The following RGSL1 variants were observed in gnomAD, a reference collection of about 807,000 sequenced individuals.
RGSL1 encodes the protein regulator of G protein signaling like 1.
In RGSL1, 97 loss-of-function variants were observed where a neutral mutation model predicts 124.7. The ratio of observed to expected loss-of-function variants is 0.78; its 90% confidence interval spans 0.66 to 0.92. The LOEUF is 0.92. Among genes scored for constraint, RGSL1 ranks in the 40% least tolerant of loss-of-function variants. The probability of loss-of-function intolerance (pLI) is 0.00; values close to 1 mark genes in which losing one functional copy is unlikely to be tolerated. For missense variants in RGSL1, 1,233 were observed against 1,288.4 expected (o/e 0.96, Z 0.66); for synonymous variants, 424 against 438.1 (o/e 0.97, Z 0.40).
intron 4 of RGSL1, among the ~76,000 whole-genome samples, chr1:182,463,652 A>G (rs1022673558): frequency 2.6e-5 from 4 of 152,196 alleles, no homozygotes; most frequent in African/African-American, 4.8e-5. Flanking sequence ...GCAAGTTTCA[A>G]CATATCAAGA....
intron 4 of RGSL1, chr1:182,460,797 T>A (rs1441792103): frequency 2.2e-6 from 1 of 446,628 alleles, no homozygotes; most frequent in Non-Finnish European, 4.5e-6. Flanking sequence ...AAACTTGCAA[T>A]GTTTGGGGGG....
chr1:182,540,844 C>T (rs865865050), intron 15 of RGSL1, among the ~76,000 whole-genome samples: 4 of 152,190 alleles, frequency 2.6e-5, no homozygotes, highest in African/African-American at 9.6e-5. Flanking sequence ...TATATTAATT[C>T]ACCTGTCAAT....
At chr1:182,507,308 A>C (rs1212218614) in intron 9 of RGSL1, 1 of 152,122 alleles carries the variant, frequency 6.6e-6, no homozygotes, top group Admixed American at 6.6e-5. Context: ...TCATCTTTCT[A>C]ACACTAGGTC....
chr1:182,543,976 G>C (rs1418993509), intron 15 of RGSL1, among the ~76,000 whole-genome samples: 3 of 151,646 alleles, frequency 2.0e-5, no homozygotes, highest in Non-Finnish European at 2.9e-5. Flanking sequence ...TTAATCTTCT[G>C]TATTTTTAGT....
chr1:182,527,842 C>T (rs555709431), intron 11 of RGSL1, 70 bp downstream of exon 11: 65 of 1,334,424 alleles, frequency 4.9e-5, no homozygotes, highest in Non-Finnish European at 6.1e-5. Context: ...TGGGAAATAG[C>T]CTACCTCATG....
upstream of RGSL1, among the ~76,000 whole-genome samples, chr1:182,449,461 C>G (rs563681260): frequency 1.6e-4 from 24 of 152,232 alleles, no homozygotes; most frequent in South Asian, 4.6e-3. Context: ...GAATTCTATT[C>G]TCAGTAATTC....
intron 1 of RGSL1, among the ~76,000 whole-genome samples, chr1:182,452,583 G>T (rs544204684): frequency 6.6e-6 from 1 of 151,854 alleles, no homozygotes; most frequent in Non-Finnish European, 1.5e-5. Flanking sequence ...CTCCCAAGTA[G>T]TTGGGATTAC....
intron 6 of RGSL1, among the ~76,000 whole-genome samples, chr1:182,485,329 C>A (rs911400775): frequency 3.3e-5 from 5 of 152,148 alleles, no homozygotes; most frequent in Admixed American, 3.3e-4. Context: ...TCAATGTACA[C>A]TTTCCTTTTG....
chr1:182,532,806 T>C lies in RGSL1; in HGVS notation c.2494+15T>C, dbSNP rs1311680293. On this transcript the variant is annotated intron_variant, in intron 14 of 21. Coordinates refer to ENST00000294854, the MANE Select transcript of RGSL1 (RefSeq NM_001137669.2). ...TAGCAAGGAAAGTAAGTCATTTCTG[T>C]ATTTACCCCCACTCCCTGTTGATAT... 6.5e-7 allele frequency: 1 copy of C among 1,546,598 alleles called. No homozygotes were observed. The highest frequency in any genetic ancestry group is 1.4e-5 in the African/African-American group (1 of 72,978).
At chr1:182,524,859 AAG>A (rs1312697399) in intron 10 of RGSL1, among the ~76,000 whole-genome samples, 1 of 152,220 alleles carries the variant, frequency 6.6e-6, no homozygotes, top group Non-Finnish European at 1.5e-5. Flanking sequence ...AAAAGTAAAA[AAG>A]GGAAATCTGG....
intron 9 of RGSL1, among the ~76,000 whole-genome samples, chr1:182,508,345 G>C (rs1275035649): frequency 7.8e-6 from 1 of 128,346 alleles, no homozygotes; most frequent in Non-Finnish European, 1.6e-5. Context: ...TGTTGCCCAG[G>C]CTGGAGTGCA....
intron 14 of RGSL1, among the ~76,000 whole-genome samples, chr1:182,536,346 A>G (rs1659538105): frequency 6.6e-6 from 1 of 152,148 alleles, no homozygotes; most frequent in Non-Finnish European, 1.5e-5. Context: ...TGGTAAGTAT[A>G]TGTTAAACTT....
intron 10 of RGSL1, among the ~76,000 whole-genome samples, chr1:182,522,809 C>G (rs1658445921): frequency 6.6e-6 from 1 of 152,138 alleles, no homozygotes. Context: ...GGTATGTTTT[C>G]CAACTTCTTG....
chr1:182,531,028 AC>A, intron 13 of RGSL1, 118 bp downstream of exon 13: 5 of 1,198,564 alleles, frequency 4.2e-6, no homozygotes, highest in African/African-American at 1.6e-5. Context: ...AAATTACTAT[AC>A]TAGGAATTTA....
At chr1:182,537,653 A>G (rs1014592184) in intron 14 of RGSL1, among the ~76,000 whole-genome samples, 1 of 152,100 alleles carries the variant, frequency 6.6e-6, no homozygotes, top group African/African-American at 2.4e-5. Context: ...TGTTATTTGT[A>G]TGGCTATTCT....
intron 1 of RGSL1, chr1:182,450,412 G>A: frequency 1.7e-6 from 1 of 575,646 alleles, no homozygotes; most frequent in Non-Finnish European, 3.1e-6. Context: ...AAGGCAAGAG[G>A]GAGGAAGTAA....
intron 9 of RGSL1, among the ~76,000 whole-genome samples, chr1:182,497,383 G>GAT (rs896195477): frequency 6.8e-6 from 1 of 148,066 alleles, no homozygotes; most frequent in African/African-American, 2.5e-5. Context: ...TCTGTCAGGA[G>GAT]ATATATATTT....
At chr1:182,486,675 CTTA>C (rs774700597) in intron 6 of RGSL1, among the ~76,000 whole-genome samples, 4 of 151,658 alleles carry the variant, frequency 2.6e-5, no homozygotes. Context: ...ATCTTTTTTA[CTTA>C]TTTATTTATT....
chr1:182,549,830 A>G (rs1468524282), intron 17 of RGSL1: 2 of 152,272 alleles, frequency 1.3e-5, no homozygotes, highest in East Asian at 1.9e-4. Context: ...AAGACAAGCA[A>G]TTTAACCTTT....
Sources: allele counts gnomAD v4.1 joint callset (sites outside exome capture counted in the v4.1 genomes callset), GRCh38; gene constraint gnomAD v4.1.1; transcripts MANE v1.5; gene names NCBI Gene and HGNC (gene_info 2026-07-23, HGNC 2026-07-21).